Variants in CDH12 observed in about 807,000 individuals in gnomAD.
CDH12 encodes cadherin-12.
In CDH12, 41 loss-of-function variants were observed where a neutral mutation model predicts 74.1. The ratio of observed to expected loss-of-function variants is 0.55; its 90% CI spans 0.43 to 0.72. CDH12 has a LOEUF of 0.72. CDH12 is among the 30% of genes least tolerant of loss of function. The probability of loss-of-function intolerance (pLI) is 0.00; values close to 1 mark genes in which losing one functional copy is unlikely to be tolerated. For synonymous variants in CDH12, 399 were observed against 355.0 expected, an observed-to-expected ratio of 1.12 and a Z score of -1.39; for missense variants, 945 against 977.2, an observed-to-expected ratio of 0.97 and a Z score of 0.44.
At chr5:22,805,424 T>A (rs1216421024) in intron 1 of CDH12, among the ~76,000 whole-genome samples, 1 of 151,974 alleles carries the variant, frequency 6.6e-6, no homozygotes, top group African/African-American at 2.4e-5. Flanking sequence ...AAAATAAGAA[T>A]AATAATTACA....
intron 6 of CDH12, among the ~76,000 whole-genome samples, chr5:21,939,907 T>C (rs1031861453): frequency 3.9e-5 from 6 of 152,056 alleles, no homozygotes; most frequent in African/African-American, 1.4e-4. Context: ...TTGTGCGTAC[T>C]GATGATAAAC....
intron 1 of CDH12, among the ~76,000 whole-genome samples, chr5:22,839,580 C>T (rs568991552): frequency 9.9e-5 from 15 of 152,172 alleles, no homozygotes; most frequent in East Asian, 5.8e-4. Context: ...TGGTCTTGAA[C>T]GCCTGACACA....
chr5:22,170,189 A>G (rs1400284793), intron 4 of CDH12, among the ~76,000 whole-genome samples: 1 of 151,906 alleles, frequency 6.6e-6, no homozygotes, highest in East Asian at 1.9e-4. Context: ...GAACGATAAT[A>G]GCCAGACCTG....
At chr5:22,124,394 G>A (rs1161219388) in intron 4 of CDH12, among the ~76,000 whole-genome samples, 2 of 152,126 alleles carry the variant, frequency 1.3e-5, no homozygotes, top group East Asian at 3.9e-4. Flanking sequence ...AAAGTGCTGG[G>A]ATTACAGGCG....
chr5:22,528,965 T>C (rs1277658377), intron 1 of CDH12, among the ~76,000 whole-genome samples: 1 of 112,812 alleles, frequency 8.9e-6, no homozygotes, highest in Non-Finnish European at 1.9e-5. Flanking sequence ...ACTCCCAGTA[T>C]CAAAATCTAT....
At chr5:22,504,553 T>G (rs1331282397) in intron 2 of CDH12, among the ~76,000 whole-genome samples, 1 of 152,202 alleles carries the variant, frequency 6.6e-6, no homozygotes, top group East Asian at 1.9e-4. Context: ...TGATTAGAAC[T>G]GAGAATATAA....
chr5:22,085,224 G>A (rs1319585495), intron 4 of CDH12, among the ~76,000 whole-genome samples: 1 of 151,772 alleles, frequency 6.6e-6, no homozygotes, highest in Non-Finnish European at 1.5e-5. Flanking sequence ...ATTTAGTTGT[G>A]AAATACTCAC....
At chr5:22,734,857 C>T (rs1487415) in intron 1 of CDH12, among the ~76,000 whole-genome samples, 22,505 of 151,758 alleles carry the variant, frequency 0.15, 1,848 homozygotes, top group African/African-American at 0.21. Flanking sequence ...ATTGTTATGA[C>T]CCCAACATGA....
In CDH12 at chr5:22,410,797, T is replaced by C. The variant is rs570328360; in HGVS notation, c.-427-5446A>G. On this transcript the variant is annotated intron_variant, in intron 2 of 14. Transcript: ENST00000382254. Reference sequence around the variant, plus strand: ...AAACATGTTTGGGATACAGAAGAGATTTTGTATGTTAAATTTTATGCAAAC... The same window carrying C: ...AAACATGTTTGGGATACAGAAGAGACTTTGTATGTTAAATTTTATGCAAAC... Among the ~76,000 whole-genome samples the C allele has an allele frequency of 1.4e-4, 21 of 152,182 alleles. No individual in the cohort carries two copies. The South Asian group carries it at 4.4e-3, about 32-fold the overall frequency.
intron 5 of CDH12, among the ~76,000 whole-genome samples, chr5:22,026,638 G>A (rs1180205468): frequency 2.0e-5 from 3 of 152,100 alleles, no homozygotes; most frequent in Non-Finnish European, 4.4e-5. Context: ...GTTCAGATCA[G>A]GGGTAGGGGT....
chr5:22,760,447 G>A lies in CDH12; in HGVS notation c.-523+92611C>T, dbSNP rs142328359. Among the ~76,000 whole-genome samples the A allele has an allele frequency of 3.2e-3, 493 of 152,190 alleles. 2 individuals carry two copies. The highest frequency in any genetic ancestry group is 0.011 in the African/African-American group (456 of 41,538). ...TGTAATCCCATCACTTTGGGAGGCC[G>A]AGGCGGGTGGATCAAAAGGTCAGGA... On this transcript the variant is annotated intron_variant, in intron 1 of 14. Transcript: ENST00000382254.
intron 1 of CDH12, among the ~76,000 whole-genome samples, chr5:22,575,257 T>G (rs2126772535): frequency 6.6e-6 from 1 of 152,284 alleles, no homozygotes; most frequent in Non-Finnish European, 1.5e-5. Context: ...GTAAAATAAA[T>G]ATATCCTCCT....
chr5:22,657,003 C>A (rs1377846098), intron 1 of CDH12, among the ~76,000 whole-genome samples: 1 of 152,058 alleles, frequency 6.6e-6, no homozygotes, highest in African/African-American at 2.4e-5. Context: ...CCACCTCAGT[C>A]TCCCAAAATG....
chr5:21,906,092 C>A (rs1182136404), intron 6 of CDH12, among the ~76,000 whole-genome samples: 5 of 152,212 alleles, frequency 3.3e-5, no homozygotes, highest in African/African-American at 1.2e-4. Flanking sequence ...AGTTATTTTA[C>A]TTCCTAACCA....
At chr5:22,578,290 T>C (rs969482138) in intron 1 of CDH12, among the ~76,000 whole-genome samples, 37 of 152,062 alleles carry the variant, frequency 2.4e-4, no homozygotes, top group African/African-American at 8.7e-4. Context: ...AAATTGCTCA[T>C]GTTCCAAAAG....
chr5:21,810,580 C>T (rs964789773), intron 9 of CDH12, among the ~76,000 whole-genome samples: 1 of 152,096 alleles, frequency 6.6e-6, no homozygotes, highest in Non-Finnish European at 1.5e-5. Context: ...AAGTCTATGG[C>T]ATGTGCAGTT....
chr5:22,251,068 T>C (rs1332219023), intron 3 of CDH12, among the ~76,000 whole-genome samples: 4 of 152,178 alleles, frequency 2.6e-5, no homozygotes, highest in African/African-American at 4.8e-5. Context: ...AATTTAAGAA[T>C]GCAAACCCAG....
At chr5:22,467,261 T>A (rs947672099) in intron 2 of CDH12, among the ~76,000 whole-genome samples, 1 of 152,164 alleles carries the variant, frequency 6.6e-6, no homozygotes, top group African/African-American at 2.4e-5. Context: ...TTTAGCGAGA[T>A]GACATGTTGC....
At chr5:22,628,122 A>G (rs900325041) in intron 1 of CDH12, among the ~76,000 whole-genome samples, 11 of 152,144 alleles carry the variant, frequency 7.2e-5, no homozygotes, top group Non-Finnish European at 1.2e-4. Flanking sequence ...TTACAAATCT[A>G]TGAAGAAACT....
Sources: allele counts gnomAD v4.1 joint callset (sites outside exome capture counted in the v4.1 genomes callset), GRCh38; gene constraint gnomAD v4.1.1; transcripts MANE v1.5; gene names NCBI Gene and HGNC (gene_info 2026-07-23, HGNC 2026-07-21).